Variants in PTPRJ observed in about 807,000 individuals in gnomAD.
PTPRJ encodes protein tyrosine phosphatase receptor type J.
In PTPRJ, 129 loss-of-function variants were observed where a neutral mutation model predicts 141.3. That is an observed-to-expected ratio of 0.91 (90% CI 0.79 to 1.06). The LOEUF (loss-of-function observed/expected upper bound fraction) is 1.06, where lower values mean the gene tolerates loss of function less well. Among genes scored for constraint, PTPRJ ranks in the 50% least tolerant of loss-of-function variants. The pLI is 0.00. For synonymous variants in PTPRJ, 610 were observed against 640.5 expected, an observed-to-expected ratio of 0.95 and a Z score of 0.72; for missense variants, 1,601 against 1,679.7, an observed-to-expected ratio of 0.95 and a Z score of 0.82.
chr11:48,080,005 A>G (rs1855517534), intron 1 of PTPRJ, among the ~76,000 whole-genome samples: 2 of 152,210 alleles, frequency 1.3e-5, no homozygotes, highest in Non-Finnish European at 1.5e-5. Flanking sequence ...TTGCAGGTGC[A>G]GGATGGGCAT....
At chr11:48,147,084 C>T (rs1346524169) in intron 15 of PTPRJ, 121 bp downstream of exon 15, 5 of 863,018 alleles carry the variant, frequency 5.8e-6, no homozygotes, top group Non-Finnish European at 9.6e-6. Context: ...TCCCTTCACC[C>T]ATAGTGTTCT....
intron 1 of PTPRJ, among the ~76,000 whole-genome samples, chr11:48,097,623 C>T (rs537922054): frequency 3.8e-4 from 57 of 151,930 alleles, no homozygotes; most frequent in African/African-American, 1.0e-3. Flanking sequence ...CTGCAACCTC[C>T]GCCTCCCGGG....
Position 48,164,356 on chromosome 11 carries a change from A to G in PTPRJ, c.3720-24A>G, listed in dbSNP as rs369717081. ...TGCAGTCGAGGGAACCCACTGTAAT[A>G]GGCTTATTTCTCTTTTCTCTCAGTG... On this transcript the variant is annotated intron_variant, in intron 23 of 24. Coordinates refer to ENST00000418331, the MANE Select transcript of PTPRJ (RefSeq NM_002843.4). 1.5e-4 allele frequency: 237 copies of G among 1,611,942 alleles called. 4 individuals carry two copies. The East Asian group carries it at 2.2e-3, about 15-fold the overall frequency.
intron 6 of PTPRJ, among the ~76,000 whole-genome samples, chr11:48,125,705 A>G (rs971638116): frequency 2.0e-5 from 3 of 152,216 alleles, no homozygotes; most frequent in Non-Finnish European, 4.4e-5. Context: ...TGGTGAAAAG[A>G]GCGGGAGGTG....
chr11:48,122,714 G>A (rs909945848), intron 4 of PTPRJ, among the ~76,000 whole-genome samples: 5 of 152,184 alleles, frequency 3.3e-5, no homozygotes, highest in Non-Finnish European at 5.9e-5. Context: ...ACAAAAAGAC[G>A]CATGACTGAC....
At chr11:48,059,109 C>CTTTTTTTTTTTTTTTTTTTTTTTTT (rs1437506736) in intron 1 of PTPRJ, among the ~76,000 whole-genome samples, 1 of 125,932 alleles carries the variant, frequency 7.9e-6, no homozygotes, top group African/African-American at 3.5e-5. Context: ...CTGTGCTGTG[C>CTTTTTTTTTTTTTTTTTTTTTTTTT]CTTTTTTTTT....
At chr11:48,089,515 C>CA (rs56252336) in intron 1 of PTPRJ, among the ~76,000 whole-genome samples, 6,021 of 116,480 alleles carry the variant, frequency 0.052, 394 homozygotes, top group African/African-American at 0.15. Flanking sequence ...GACTCCATCT[C>CA]AAAAAAAAAA....
intron 1 of PTPRJ, among the ~76,000 whole-genome samples, chr11:48,078,271 T>C (rs1310028548): frequency 2.0e-5 from 3 of 152,136 alleles, no homozygotes; most frequent in Admixed American, 6.5e-5. Context: ...TTGGCCAGGC[T>C]GGTCTTGAAC....
Position 48,170,653 on chromosome 11 carries a change from A to G in PTPRJ, c.*3291A>G, listed in dbSNP as rs918974614. On this transcript the variant is annotated 3_prime_UTR_variant, in exon 25 of 25. Coordinates refer to ENST00000418331, the MANE Select transcript of PTPRJ (RefSeq NM_002843.4). ...TCCCTTGGGGGCACATACAAATAGG[A>G]TGTGTTGATGTGGACTCTAAACTGT... 6.6e-6 allele frequency: 1 copy of G among 151,724 alleles called. No individual in the cohort carries two copies. Among genetic ancestry groups the G allele is most frequent in the East Asian group, 1.9e-4 (1 of 5,152 alleles). The allele number at this position is 151,724 out of a possible 1,614,324, so 9.4% of individuals were successfully genotyped here.
At chr11:48,148,240 T>C (rs1590558656) in intron 15 of PTPRJ, among the ~76,000 whole-genome samples, 2 of 152,258 alleles carry the variant, frequency 1.3e-5, no homozygotes, top group African/African-American at 4.8e-5. Flanking sequence ...TAATACATGC[T>C]TATGGCAAAA....
intron 1 of PTPRJ, among the ~76,000 whole-genome samples, chr11:48,008,998 G>T (rs913641215): frequency 6.6e-6 from 1 of 152,192 alleles, no homozygotes; most frequent in Non-Finnish European, 1.5e-5. Context: ...CTGATATTTC[G>T]TTGAAAGTCA....
At chr11:48,153,448 G>A (rs539968385) in intron 18 of PTPRJ, among the ~76,000 whole-genome samples, 52 of 137,646 alleles carry the variant, frequency 3.8e-4, no homozygotes, top group African/African-American at 5.2e-4. Flanking sequence ...GCAGGAGACC[G>A]CGCCACTGCA....
At chr11:48,149,052 G>A (rs1490398982) in intron 15 of PTPRJ, among the ~76,000 whole-genome samples, 1 of 152,182 alleles carries the variant, frequency 6.6e-6, no homozygotes, top group Non-Finnish European at 1.5e-5. Context: ...CAACTTGCCA[G>A]TTCCGGATCT....
chr11:48,132,050 T>C, intron 8 of PTPRJ: 1 of 698,876 alleles, frequency 1.4e-6, no homozygotes, highest in Non-Finnish European at 1.8e-6. Flanking sequence ...TAAATACAAA[T>C]TCTCTGAGAG....
chr11:48,163,346 T>A, intron 22 of PTPRJ, 112 bp from the exon 23 acceptor site: 2 of 982,006 alleles, frequency 2.0e-6, no homozygotes. Flanking sequence ...AGTTTAATTT[T>A]TAGTCATTAC....
At position 48,064,755 on chromosome 11, in the gene PTPRJ, C is replaced by T. The variant is rs907620488; in HGVS notation, c.97-45303C>T. On this transcript the variant is annotated intron_variant, in intron 1 of 24. Transcript: ENST00000418331. ...AGTAGCTGGGATTACAGGCGCCCAC[C>T]ACGGGCCCGAGAACTGAGTCTCGCC... Among the ~76,000 whole-genome samples, 8 of 152,004 alleles carry T rather than the reference C, an allele frequency of 5.3e-5. No individual in the cohort carries two copies. In the East Asian group the frequency reaches 5.8e-4, roughly 11 times the overall value.
chr11:48,089,663 C>T lies in PTPRJ; in HGVS notation c.97-20395C>T, dbSNP rs144998040. ...TAAAAAATGTAGTTGTCATAATGTCCGTATATAAATTTTTAAGTGGAGTTG... is the reference window on the plus strand; with the variant it reads ...TAAAAAATGTAGTTGTCATAATGTCTGTATATAAATTTTTAAGTGGAGTTG... On this transcript the variant is annotated intron_variant, in intron 1 of 24. Coordinates refer to ENST00000418331, the MANE Select transcript of PTPRJ (RefSeq NM_002843.4). Among the ~76,000 whole-genome samples the T allele has an allele frequency of 5.0e-3, 767 of 152,112 alleles. 6 individuals are homozygous for T. Among genetic ancestry groups the T allele is most frequent in the African/African-American group, 0.018 (737 of 41,476 alleles).
intron 1 of PTPRJ, among the ~76,000 whole-genome samples, chr11:48,108,984 T>G (rs1856369029): frequency 6.6e-6 from 1 of 152,026 alleles, no homozygotes; most frequent in African/African-American, 2.4e-5. Context: ...GAGGAGTCAG[T>G]GATGGACAGA....
intron 1 of PTPRJ, among the ~76,000 whole-genome samples, chr11:47,992,556 T>G (rs1057277204): frequency 5.3e-5 from 8 of 152,212 alleles, no homozygotes; most frequent in Admixed American, 2.6e-4. Flanking sequence ...CACATAATTA[T>G]TAGGTTGAAC....
Sources: gnomAD v4.1 joint callset for allele counts (sites outside exome capture counted in the v4.1 genomes callset) on GRCh38, gnomAD v4.1.1 for gene constraint, MANE v1.5 for transcripts, NCBI Gene and HGNC (gene_info 2026-07-23, HGNC 2026-07-21) for gene names.